Variants in AP2A2 observed in about 807,000 individuals in gnomAD.
AP2A2 encodes the protein adaptor related protein complex 2 subunit alpha 2, also known as AP-2 complex subunit alpha-2.
In AP2A2, 32 loss-of-function variants were observed where a neutral mutation model predicts 104.2. The ratio of observed to expected loss-of-function variants is 0.31; its 90% CI spans 0.23 to 0.41. The LOEUF (loss-of-function observed/expected upper bound fraction) is 0.41, where lower values mean the gene tolerates loss of function less well. Ranked by LOEUF, AP2A2 falls within the 10% of genes least tolerant of loss-of-function variation. AP2A2 has a pLI of 1.00. For synonymous variants in AP2A2, 539 were observed against 533.3 expected, an observed-to-expected ratio of 1.01 and a Z score of -0.15; for missense variants, 912 against 1,261.0, an observed-to-expected ratio of 0.72 and a Z score of 4.19.
chr11:1,005,194 A>C (rs181732126), intron 16 of AP2A2, among the ~76,000 whole-genome samples: 4 of 152,392 alleles, frequency 2.6e-5, no homozygotes, highest in Admixed American at 2.0e-4. Context: ...TGCATAAAGC[A>C]GCACACATGC....
intron 10 of AP2A2, among the ~76,000 whole-genome samples, chr11:989,154 C>A (rs747140839): frequency 6.6e-6 from 1 of 152,104 alleles, no homozygotes; most frequent in Non-Finnish European, 1.5e-5. Flanking sequence ...AAACCCTGAC[C>A]CCGTCTCTAC....
chr11:956,862 G>C (rs1375723000), intron 1 of AP2A2: 1 of 152,214 alleles, frequency 6.6e-6, no homozygotes, highest in Non-Finnish European at 1.5e-5. Flanking sequence ...CTACAACACA[G>C]AAGACTTCTG....
At chr11:928,194 T>C (rs1011851422) in intron 1 of AP2A2, among the ~76,000 whole-genome samples, 1 of 152,206 alleles carries the variant, frequency 6.6e-6, no homozygotes, top group African/African-American at 2.4e-5. Flanking sequence ...CTTCTGAGGT[T>C]TCAGTTACCT....
In AP2A2 at chr11:993,049, T is replaced by C. The variant is rs1344441491; in HGVS notation, c.1453-235T>C. Among the ~76,000 whole-genome samples the C allele has an allele frequency of 6.6e-6, 1 of 152,132 alleles. No individual in the cohort carries two copies. Among genetic ancestry groups the C allele is most frequent in the East Asian group, 1.9e-4 (1 of 5,186 alleles). Reference sequence around the variant, plus strand: ...TGGCAGAACCTCCCCAGCCAGAGCCTGTTGTGGATGCTGCAGCTCCCTCCA... The same window carrying C: ...TGGCAGAACCTCCCCAGCCAGAGCCCGTTGTGGATGCTGCAGCTCCCTCCA... On this transcript the variant is annotated intron_variant, in intron 11 of 21. Coordinates refer to ENST00000448903, the MANE Select transcript of AP2A2 (RefSeq NM_012305.4). This position sits in a 1 kb window ranked among gnomAD's most constrained non-coding sequence, Gnocchi z 8.2.
chr11:968,101 T>C lies in AP2A2; in HGVS notation c.137-2068T>C, dbSNP rs1854684099. ...GGAGCGAGCATTGCTGCTTGTTTCCTGTGGCCCTGGGTTAGGCCAGGAATC... is the reference window on the plus strand; with the variant it reads ...GGAGCGAGCATTGCTGCTTGTTTCCCGTGGCCCTGGGTTAGGCCAGGAATC... On this transcript the variant is annotated intron_variant, in intron 2 of 21. Transcript: ENST00000448903. The surrounding 1 kb of genome is among the most constrained non-coding windows in gnomAD (Gnocchi z 4.2). 6.6e-6 allele frequency among the ~76,000 whole-genome samples: 1 copy of C among 151,794 alleles called. No homozygotes were observed.
At chr11:939,569 C>T (rs1036277279) in intron 1 of AP2A2, among the ~76,000 whole-genome samples, 24 of 151,678 alleles carry the variant, frequency 1.6e-4, no homozygotes, top group South Asian at 4.2e-4. Context: ...CTCAGCCTCC[C>T]GAGTAGCTGG....
chr11:978,056 A>C (rs1855110270), intron 5 of AP2A2, among the ~76,000 whole-genome samples: 1 of 152,160 alleles, frequency 6.6e-6, no homozygotes, highest in South Asian at 2.1e-4. Flanking sequence ...CGAAGCTGGG[A>C]AAGAGGAAAT....
At chr11:973,572 G>C (rs1259437087) in intron 4 of AP2A2, among the ~76,000 whole-genome samples, 2 of 152,172 alleles carry the variant, frequency 1.3e-5, no homozygotes, top group African/African-American at 4.8e-5. Flanking sequence ...AGTGCCTGAA[G>C]GCACTGTTGC....
intron 1 of AP2A2, among the ~76,000 whole-genome samples, chr11:955,228 C>T (rs1464848500): frequency 3.9e-5 from 6 of 152,340 alleles, no homozygotes; most frequent in Admixed American, 3.9e-4. Context: ...CGCACACTGG[C>T]ACACCGCACC....
At chr11:987,526 G>T (rs563171704) in intron 9 of AP2A2, among the ~76,000 whole-genome samples, 1 of 152,046 alleles carries the variant, frequency 6.6e-6, no homozygotes, top group Admixed American at 6.6e-5. Flanking sequence ...GTGGCGGCCG[G>T]TGCCTGTAGT....
intron 2 of AP2A2, among the ~76,000 whole-genome samples, chr11:960,567 G>A (rs896955305): frequency 1.3e-5 from 2 of 151,814 alleles, no homozygotes; most frequent in African/African-American, 2.4e-5. Flanking sequence ...TAGTAGAGAC[G>A]GGGTTTCTCC....
intron 21 of AP2A2, chr11:1,010,202 TC>T: frequency 2.0e-6 from 1 of 488,858 alleles, no homozygotes; most frequent in Admixed American, 3.4e-5. Context: ...CACGTCCCGT[TC>T]TGGCGACGGA....
At position 972,128 on chromosome 11, in the gene AP2A2, A is replaced by G. The variant is rs1177187872; in HGVS notation, c.346A>G (p.Ile116Val). The change falls in exon 4 of 22, where the codon ATC (isoleucine) becomes GTC (valine). Residue 116 changes from isoleucine (I) to valine (V), a missense_variant. By Grantham distance (29) the Ile-to-Val change is conservative (BLOSUM62 3). This residue lies in a region of AP2A2 where 350 missense variants were observed against 487.0 expected (regional missense o/e 0.72). Transcript: ENST00000448903. ...GCTGATCCGCCTGATCAACAACGCCATCAAGAATGACCTGGCCAGCCGCAA... is the reference window on the plus strand; with the variant it reads ...GCTGATCCGCCTGATCAACAACGCCGTCAAGAATGACCTGGCCAGCCGCAA... ...SELIRLINNA[I>V]KNDLASRNPT... The G allele has an allele frequency of 1.2e-6, 2 of 1,613,646 alleles. No homozygotes were observed. Among genetic ancestry groups the G allele is most frequent in the African/African-American group, 2.7e-5 (2 of 74,948 alleles).
chr11:1,001,045 G>A (rs1281281096), intron 15 of AP2A2, among the ~76,000 whole-genome samples: 1 of 152,192 alleles, frequency 6.6e-6, no homozygotes, highest in Non-Finnish European at 1.5e-5. Context: ...TTGTCCTTGA[G>A]TTGCTCACTT....
chr11:973,437 G>A (rs371406329), intron 4 of AP2A2, among the ~76,000 whole-genome samples: 7 of 152,156 alleles, frequency 4.6e-5, no homozygotes, highest in African/African-American at 1.2e-4. Flanking sequence ...GGAGGAGCCC[G>A]GCTGGCAGAG....
chr11:984,558 C>T lies in AP2A2; in HGVS notation c.706-87C>T, dbSNP rs985217409. 2.7e-6 allele frequency: 3 copies of T among 1,118,462 alleles called. No individual in the cohort carries two copies. In the African/African-American group the frequency reaches 4.6e-5, roughly 17 times the overall value. 69.3% of individuals were successfully genotyped at this position (1,118,462 alleles called of 1,614,324 possible). ...ACCATTTTTCCAGCTCAGGCGTGAC[C>T]CGAGGAGTGAGTATGGCTTTTCTTT... On this transcript the variant is annotated intron_variant, in intron 6 of 21. Coordinates refer to ENST00000448903, the MANE Select transcript of AP2A2 (RefSeq NM_012305.4).
intron 6 of AP2A2, 100 bp downstream of exon 6, chr11:981,399 A>G: frequency 9.0e-7 from 1 of 1,109,728 alleles, no homozygotes; most frequent in Middle Eastern, 2.2e-4. Context: ...ATCAGTTTAT[A>G]AATTCAGGGA....
At chr11:990,199 C>T (rs112448790) in intron 10 of AP2A2, among the ~76,000 whole-genome samples, 10,665 of 152,288 alleles carry the variant, frequency 0.07, 456 homozygotes, top group South Asian at 0.1. Context: ...TGTCCACCCT[C>T]CAGGACAGTG....
At chr11:1,006,709 G>C in intron 17 of AP2A2, 92 bp downstream of exon 17, 1 of 961,830 alleles carries the variant, frequency 1.0e-6, no homozygotes, top group Non-Finnish European at 1.6e-6. Context: ...TTCTTATTTT[G>C]TTAAAATAGC....
Sources: allele counts gnomAD v4.1 joint callset (sites outside exome capture counted in the v4.1 genomes callset), GRCh38; gene constraint gnomAD v4.1.1; regional missense constraint gnomAD v4.1.1; non-coding constraint Gnocchi (gnomAD v3.1); transcripts MANE v1.5; gene names NCBI Gene and HGNC (gene_info 2026-07-23, HGNC 2026-07-21).